Variants in ARHGAP25 observed in about 807,000 individuals in gnomAD.
The protein encoded by ARHGAP25 is Rho GTPase activating protein 25.
Under a neutral mutation model 71.0 loss-of-function variants are expected in ARHGAP25, and 34 were observed. The ratio of observed to expected loss-of-function variants is 0.48; its 90% confidence interval spans 0.36 to 0.64. The LOEUF is 0.64. Among genes scored for constraint, ARHGAP25 ranks in the 30% least tolerant of loss-of-function variants. The pLI is 0.00. For missense variants in ARHGAP25, 706 were observed against 805.1 expected, an observed-to-expected ratio of 0.88 and a Z score of 1.49; for synonymous variants, 282 against 296.5, an observed-to-expected ratio of 0.95 and a Z score of 0.50.
intron 1 of ARHGAP25, among the ~76,000 whole-genome samples, chr2:68,740,414 G>A (rs1411395945): frequency 6.6e-6 from 1 of 152,130 alleles, no homozygotes; most frequent in African/African-American, 2.4e-5. Context: ...CTTCTTACCT[G>A]CCCACCTCTC....
chr2:68,821,906 G>GTTTTTTTTTTTTTTTTTTTTTTTTTTTT (rs59964574), intron 9 of ARHGAP25, among the ~76,000 whole-genome samples: 1 of 81,646 alleles, frequency 1.2e-5, no homozygotes, highest in Admixed American at 1.3e-4. Context: ...CTTTTTGCTA[G>GTTTTTTTTTTTTTTTTTTTTTTTTTTTT]TTTTTTTTTT....
At chr2:68,776,785 G>A (rs1197733023) in intron 2 of ARHGAP25, among the ~76,000 whole-genome samples, 3 of 152,154 alleles carry the variant, frequency 2.0e-5, no homozygotes, top group African/African-American at 7.2e-5. Flanking sequence ...GCTTATTTGG[G>A]ATGACAGACT....
chr2:68,807,813 A>G (rs1316965267), intron 5 of ARHGAP25, among the ~76,000 whole-genome samples: 1 of 152,176 alleles, frequency 6.6e-6, no homozygotes, highest in Non-Finnish European at 1.5e-5. Flanking sequence ...ACCCTTCAGG[A>G]CAGATGAGGA....
chr2:68,818,028 A>T (rs1186987169), intron 8 of ARHGAP25, 34 bp downstream of exon 8: 5 of 1,611,884 alleles, frequency 3.1e-6, no homozygotes, highest in African/African-American at 1.3e-5. Context: ...GCAGGTACCC[A>T]GGAAATAACA....
At chr2:68,725,249 G>A (rs769036941) in intron 2 of ARHGAP25, among the ~76,000 whole-genome samples, 6 of 152,238 alleles carry the variant, frequency 3.9e-5, no homozygotes, top group South Asian at 2.1e-4. Flanking sequence ...TAAGGTCTCC[G>A]CTTTTACCCT....
chr2:68,771,358 TCAGGGTA>T (rs1677477993), intron 1 of ARHGAP25, among the ~76,000 whole-genome samples: 1 of 152,164 alleles, frequency 6.6e-6, no homozygotes, highest in Non-Finnish European at 1.5e-5. Context: ...GAATGTGCAC[TCAGGGTA>T]CAATGACTGG....
intron 2 of ARHGAP25, among the ~76,000 whole-genome samples, chr2:68,718,414 CCTT>C (rs1240331563): frequency 6.6e-6 from 1 of 152,198 alleles, no homozygotes; most frequent in Non-Finnish European, 1.5e-5. Context: ...CTTCTTACCT[CCTT>C]CTTATAAGGG....
chr2:68,774,018 A>C (rs1339817798), intron 1 of ARHGAP25, among the ~76,000 whole-genome samples: 1 of 152,202 alleles, frequency 6.6e-6, no homozygotes, highest in East Asian at 1.9e-4. Flanking sequence ...CTAGTCTCCA[A>C]TCAGGTGAAA....
chr2:68,775,280 C>G lies in ARHGAP25; in HGVS notation c.121C>G (p.Pro41Ala), dbSNP rs144106221. The G allele has an allele frequency of 1.2e-6, 2 of 1,614,262 alleles. No individual in the cohort carries two copies. Among genetic ancestry groups the G allele is most frequent in the Non-Finnish European group, 1.7e-6 (2 of 1,180,048 alleles). The change falls in exon 2 of 11, where the codon CCC (proline) becomes GCC (alanine). Residue 41 changes from proline to alanine, a missense_variant. Pro to Ala is a conservative substitution (Grantham distance 27, BLOSUM62 -1). Coordinates refer to ENST00000409202, the MANE Select transcript of ARHGAP25 (RefSeq NM_001007231.3). ...QMAAFHPSST[P>A]NPLERPIKMG... The stretch of plus-strand genomic sequence containing the variant: ...GGCTGCCTTCCATCCATCGTCCACC[C>G]CCAACCCGCTGGAGAGGCCCATCAA...
chr2:68,786,864 C>T (rs1315693063), intron 3 of ARHGAP25, among the ~76,000 whole-genome samples: 8 of 152,214 alleles, frequency 5.3e-5, no homozygotes, highest in African/African-American at 1.4e-4. Context: ...TTGCTGCTTA[C>T]GAAGGCACTT....
At chr2:68,772,752 A>T (rs1232774755) in intron 1 of ARHGAP25, among the ~76,000 whole-genome samples, 1 of 152,212 alleles carries the variant, frequency 6.6e-6, no homozygotes, top group Non-Finnish European at 1.5e-5. Context: ...AGAGCAAGTG[A>T]TCAGCCCACA....
intron 1 of ARHGAP25, among the ~76,000 whole-genome samples, chr2:68,752,061 C>T (rs371044770): frequency 1.3e-5 from 2 of 152,216 alleles, no homozygotes; most frequent in South Asian, 2.1e-4. Context: ...TTAGACCCCA[C>T]GTAAAATTCT....
chr2:68,809,464 T>G (rs142480054), intron 5 of ARHGAP25, among the ~76,000 whole-genome samples: 98 of 152,252 alleles, frequency 6.4e-4, no homozygotes, highest in African/African-American at 2.3e-3. Flanking sequence ...CTGAGAGTGA[T>G]TCTGGCCTGG....
At chr2:68,736,211 G>A (rs1675212806) in intron 1 of ARHGAP25, among the ~76,000 whole-genome samples, 1 of 152,186 alleles carries the variant, frequency 6.6e-6, no homozygotes, top group African/African-American at 2.4e-5. Context: ...CCATTGAAAA[G>A]TCACAAGCGG....
intron 2 of ARHGAP25, among the ~76,000 whole-genome samples, chr2:68,724,480 G>GACTATA (rs1674836320): frequency 6.6e-6 from 1 of 152,170 alleles, no homozygotes; most frequent in South Asian, 2.1e-4. Context: ...AAGAGGATGG[G>GACTATA]ACTATAGCCA....
At chr2:68,782,355 A>G (rs1241327642) in intron 3 of ARHGAP25, 35 bp downstream of exon 3, 2 of 1,591,630 alleles carry the variant, frequency 1.3e-6, no homozygotes, top group Middle Eastern at 1.7e-4. Flanking sequence ...GGTGCAGTGC[A>G]GAAGTAAAAT....
intron 2 of ARHGAP25, among the ~76,000 whole-genome samples, chr2:68,777,290 A>G (rs761643373): frequency 1.1e-4 from 17 of 152,178 alleles, no homozygotes; most frequent in Admixed American, 2.0e-4. Context: ...GGTAGTTTAT[A>G]TAAAAGGATG....
At position 68,807,342 on chromosome 2, in the gene ARHGAP25, T is replaced by C. The variant is rs750698457; in HGVS notation, c.536T>C (p.Ile179Thr). ...EQKFGPHLVP[I>T]LVEKCAEFIL... The stretch of plus-strand genomic sequence containing the variant: ...AAATTCGGCCCCCATCTGGTGCCCA[T>C]CCTGGTGGAGAAATGTGCAGAGTTC... The change falls in exon 5 of 11, where the codon ATC (isoleucine) becomes ACC (threonine). Residue 179 changes from isoleucine to threonine, a missense_variant. By Grantham distance (89) the Ile-to-Thr change is moderately conservative. Transcript: ENST00000409202. The C allele has an allele frequency of 3.1e-6, 5 of 1,614,202 alleles. No homozygotes were observed. Among genetic ancestry groups the C allele is most frequent in the Non-Finnish European group, 2.5e-6 (3 of 1,180,044 alleles).
chr2:68,781,311 A>G (rs1311769527), intron 2 of ARHGAP25, among the ~76,000 whole-genome samples: 2 of 152,148 alleles, frequency 1.3e-5, no homozygotes, highest in African/African-American at 4.8e-5. Context: ...AATAACTTGA[A>G]CCCAGGAGGC....
Sources: gnomAD v4.1 joint callset for allele counts (sites outside exome capture counted in the v4.1 genomes callset) on GRCh38, gnomAD v4.1.1 for gene constraint, MANE v1.5 for transcripts, NCBI Gene and HGNC (gene_info 2026-07-23, HGNC 2026-07-21) for gene names.